The following MANEA variants were observed in gnomAD, a reference collection of about 807,000 sequenced individuals.
MANEA encodes the protein glycoprotein endo-alpha-1,2-mannosidase.
MANEA carries 25 observed loss-of-function variants against 36.8 expected under a neutral mutation model. That is an observed-to-expected ratio of 0.68 (90% CI 0.50 to 0.95). MANEA has a LOEUF of 0.95. MANEA is among the 40% of genes least tolerant of loss of function. The pLI is 0.00. For synonymous variants in MANEA, 198 were observed against 188.5 expected (o/e 1.05, Z -0.41); for missense variants, 565 against 558.8 (o/e 1.01, Z -0.11).
chr6:95,588,652 A>T (rs1769331716), intron 2 of MANEA, among the ~76,000 whole-genome samples: 1 of 151,896 alleles, frequency 6.6e-6, no homozygotes, highest in Non-Finnish European at 1.5e-5. Flanking sequence ...TGATATGGCT[A>T]AAAAAACTAT....
chr6:95,598,188 T>A (rs927473927), intron 3 of MANEA, among the ~76,000 whole-genome samples: 3 of 152,202 alleles, frequency 2.0e-5, no homozygotes, highest in African/African-American at 7.2e-5. Flanking sequence ...ATTTTTATGA[T>A]AACTGAAATA....
In MANEA at chr6:95,586,410, T is replaced by C; in HGVS notation, c.-30T>C. ...TTTTCAATAAATTGCAGCAAAACACTTACTATTTTGGAGTTTAAAGTATGT... is the reference window on the plus strand; with the variant it reads ...TTTTCAATAAATTGCAGCAAAACACCTACTATTTTGGAGTTTAAAGTATGT... On this transcript the variant is annotated 5_prime_UTR_variant, in exon 2 of 5. Transcript: ENST00000358812. The C allele has an allele frequency of 6.5e-7, 1 of 1,546,618 alleles. No individual in the cohort carries two copies. The highest frequency in any genetic ancestry group is 8.8e-7 in the Non-Finnish European group (1 of 1,140,018).
chr6:95,607,000 A>AT lies in MANEA; in HGVS notation c.*601dup, dbSNP rs1380240240. 6.6e-6 allele frequency: 1 copy of AT among 151,986 alleles called. No homozygotes were observed. The highest frequency in any genetic ancestry group is 1.5e-5 in the Non-Finnish European group (1 of 67,956). 9.4% of individuals were successfully genotyped at this position (151,986 alleles called of 1,614,324 possible). ...GAAATGGCTTTAAATTAATACTCTT[A>AT]TTTTTTATTTAATTTAATTACATAA... On this transcript the variant is annotated 3_prime_UTR_variant, in exon 5 of 5. Transcript: ENST00000358812.
At chr6:95,595,851 A>G (rs1317181132) in intron 2 of MANEA, among the ~76,000 whole-genome samples, 1 of 152,144 alleles carries the variant, frequency 6.6e-6, no homozygotes, top group African/African-American at 2.4e-5. Context: ...TTATTTTACT[A>G]TGTTAGAATC....
At chr6:95,586,035 G>A (rs1769273998) in intron 1 of MANEA, among the ~76,000 whole-genome samples, 1 of 152,140 alleles carries the variant, frequency 6.6e-6, no homozygotes, top group Non-Finnish European at 1.5e-5. Context: ...CAGAATTTTA[G>A]TTCACATACA....
At chr6:95,588,928 A>T (rs1769335488) in intron 2 of MANEA, among the ~76,000 whole-genome samples, 1 of 151,846 alleles carries the variant, frequency 6.6e-6, no homozygotes, top group South Asian at 2.1e-4. Flanking sequence ...ATTTATAAAG[A>T]CCTTTTTCCC....
rs370270407 is a variant in MANEA at position 95,596,742 on chromosome 6, C to T, written c.550C>T (p.Leu184=). The change falls in exon 3 of 5, where the codon CTA becomes TTA. Residue 184 remains leucine, a synonymous_variant. Transcript: ENST00000358812. The stretch of plus-strand genomic sequence containing the variant: ...TTTTTGGTCTTTTCTATTAGGTGTA[C>T]TAGCCCTCTCTTGGTACCCACCTGA... ...RQMRSASIGV[L]ALSWYPPDVN... 1.3e-6 allele frequency: 2 copies of T among 1,562,172 alleles called. No homozygotes were observed. The highest frequency in any genetic ancestry group is 1.8e-6 in the Non-Finnish European group (2 of 1,133,590).
At chr6:95,598,058 G>T (rs1769513441) in intron 3 of MANEA, among the ~76,000 whole-genome samples, 1 of 151,252 alleles carries the variant, frequency 6.6e-6, no homozygotes, top group Non-Finnish European at 1.5e-5. Context: ...TTTTTTTGGT[G>T]CAGAAAGAGG....
chr6:95,603,220 T>C (rs1044717858), intron 3 of MANEA, among the ~76,000 whole-genome samples: 1 of 152,062 alleles, frequency 6.6e-6, no homozygotes. Context: ...CATTTTGATA[T>C]AGGATATTTC....
chr6:95,602,042 C>T (rs889683260), intron 3 of MANEA, among the ~76,000 whole-genome samples: 3 of 152,080 alleles, frequency 2.0e-5, no homozygotes, highest in Non-Finnish European at 2.9e-5. Flanking sequence ...GTCATGGCCT[C>T]TCCTTTTTCT....
At position 95,586,983 on chromosome 6, in the gene MANEA, G is replaced by A. The variant is rs756103495; in HGVS notation, c.544G>A (p.Gly182Ser). ...HMRQMRSASI[G>S]VLALSWYPPD... is the part of the protein sequence containing the mutation. ...GAGACAAATGCGCTCAGCTTCAATTGGTAATTATTGTATATATATATATGT... is the reference window on the plus strand; with the variant it reads ...GAGACAAATGCGCTCAGCTTCAATTAGTAATTATTGTATATATATATATGT... The change falls in exon 2 of 5, where the codon GGT (glycine) becomes AGT (serine). Residue 182 changes from glycine (G) to serine (S), a missense_variant and splice_region_variant. Coordinates refer to ENST00000358812, the MANE Select transcript of MANEA (RefSeq NM_024641.4). 1 of 1,526,010 alleles carries A rather than the reference G, an allele frequency of 6.6e-7. No homozygotes were observed. Among genetic ancestry groups the A allele is most frequent in the Non-Finnish European group, 9.0e-7 (1 of 1,114,942 alleles). The allele number at this position is 1,526,010 out of a possible 1,614,324, so 94.5% of individuals were successfully genotyped here. A position where few individuals can be genotyped will look rare whatever the true frequency, so the allele number is the denominator to read the frequency against.
intron 4 of MANEA, 51 bp downstream of exon 4, chr6:95,604,954 ATTGTT>A (rs1322287273): frequency 9.1e-6 from 6 of 656,794 alleles, no homozygotes; most frequent in East Asian, 3.3e-5. Flanking sequence ...AGTGATAATT[ATTGTT>A]TTAAGAATAG....
Position 95,605,258 on chromosome 6 carries a change from T to G in MANEA, c.731+355T>G, listed in dbSNP as rs762779474. Among the ~76,000 whole-genome samples, 88 of 152,274 alleles carry G rather than the reference T, an allele frequency of 5.8e-4. 1 individual carries two copies. The highest frequency in any genetic ancestry group is 3.4e-3 in the Middle Eastern group (1 of 294). ...AGATTATTAAAAGTGAACTACTTCT[T>G]TTAACACAGTAGACCCAGAGCTGAT... On this transcript the variant is annotated intron_variant, in intron 4 of 4. Coordinates refer to ENST00000358812, the MANE Select transcript of MANEA (RefSeq NM_024641.4).
In MANEA at chr6:95,609,086, A is replaced by G. The variant is rs1769771675; in HGVS notation, c.*2681A>G. ...CTGCCTTTACCATTTTAGTTGTAAC[A>G]CAGTTTAAATTGTTATGATAACAAG... On this transcript the variant is annotated 3_prime_UTR_variant, in exon 5 of 5. Transcript: ENST00000358812. The G allele has an allele frequency of 6.6e-6, 1 of 150,536 alleles. No homozygotes were observed. The highest frequency in any genetic ancestry group is 1.5e-5 in the Non-Finnish European group (1 of 67,308). 9.3% of individuals were successfully genotyped at this position (150,536 alleles called of 1,614,324 possible). A position where few individuals can be genotyped will look rare whatever the true frequency, so the allele number is the denominator to read the frequency against.
Position 95,605,979 on chromosome 6 carries a change from C to T in MANEA, c.963C>T (p.Tyr321=), listed in dbSNP as rs1769702438. The part of the protein sequence containing the change: ...DILQSGFDGI[Y]TYFATNGFTY... ...TTCAAAGTGGTTTTGATGGAATTTA[C>T]ACATATTTTGCCACAAATGGCTTTA... is the stretch of plus-strand genomic sequence containing the variant. The change falls in exon 5 of 5, where the codon TAC becomes TAT. Residue 321 remains tyrosine (Y), a synonymous_variant. Transcript: ENST00000358812. 1 of 1,613,890 alleles carries T rather than the reference C, an allele frequency of 6.2e-7. No homozygotes were observed. Among genetic ancestry groups the T allele is most frequent in the Admixed American group, 1.7e-5 (1 of 59,970 alleles).
intron 1 of MANEA, among the ~76,000 whole-genome samples, chr6:95,581,967 A>G (rs991563302): frequency 6.6e-6 from 1 of 152,026 alleles, no homozygotes. Flanking sequence ...ATGTTTAAGT[A>G]TATTTCCTTC....
At chr6:95,583,195 A>T (rs760917624) in intron 1 of MANEA, among the ~76,000 whole-genome samples, 1 of 152,130 alleles carries the variant, frequency 6.6e-6, no homozygotes, top group Non-Finnish European at 1.5e-5. Flanking sequence ...TTTTTATTAG[A>T]GAGGGAGGGA....
intron 2 of MANEA, among the ~76,000 whole-genome samples, chr6:95,594,232 A>G (rs1582225518): frequency 6.6e-6 from 1 of 152,220 alleles, no homozygotes; most frequent in African/African-American, 2.4e-5. Flanking sequence ...TTATGTGTGT[A>G]CTTAAAATAT....
chr6:95,602,830 C>G (rs1769619084), intron 3 of MANEA, among the ~76,000 whole-genome samples: 1 of 150,036 alleles, frequency 6.7e-6, no homozygotes, highest in Non-Finnish European at 1.5e-5. Context: ...ACCATCCTGG[C>G]TAACAAGGTG....
Sources: gnomAD v4.1 joint callset for allele counts (sites outside exome capture counted in the v4.1 genomes callset) on GRCh38, gnomAD v4.1.1 for gene constraint, MANE v1.5 for transcripts, NCBI Gene and HGNC (gene_info 2026-07-23, HGNC 2026-07-21) for gene names.